The following CDK5RAP2 variants were observed in gnomAD, a reference collection of about 807,000 sequenced individuals.
The protein encoded by CDK5RAP2 is CDK5 regulatory subunit associated protein 2.
A neutral mutation model predicts 232.9 loss-of-function variants in CDK5RAP2; 147 were observed. The observed-to-expected ratio is 0.63, with a 90% confidence interval of 0.55 to 0.72. CDK5RAP2 has a LOEUF of 0.72. Ranked by LOEUF, CDK5RAP2 falls within the 30% of genes least tolerant of loss-of-function variation. The pLI is 0.00. For synonymous variants in CDK5RAP2, 833 were observed against 833.7 expected (o/e 1.00, Z 0.01); for missense variants, 2,195 against 2,231.5 (o/e 0.98, Z 0.33).
intron 18 of CDK5RAP2, chr9:120,460,869 C>T (rs2037050497): frequency 2.6e-6 from 2 of 770,278 alleles, no homozygotes; most frequent in African/African-American, 3.5e-5. Context: ...GACACAGCTG[C>T]CTGGATCAAG....
At chr9:120,441,995 A>C (rs2035927673) in intron 23 of CDK5RAP2, among the ~76,000 whole-genome samples, 1 of 152,184 alleles carries the variant, frequency 6.6e-6, no homozygotes, top group South Asian at 2.1e-4. Flanking sequence ...TTTCCAGTGA[A>C]TCACCCTCCA....
chr9:120,571,779 A>G, intron 2 of CDK5RAP2, 195 bp downstream of exon 2: 1 of 620,442 alleles, frequency 1.6e-6, no homozygotes, highest in South Asian at 1.8e-5. Context: ...CAAAAGGACA[A>G]CAATTCCTCT....
intron 2 of CDK5RAP2, among the ~76,000 whole-genome samples, chr9:120,569,306 T>C (rs896266651): frequency 3.9e-5 from 6 of 152,196 alleles, no homozygotes; most frequent in Non-Finnish European, 5.9e-5. Context: ...ATGCAGCCGA[T>C]AGTCTAGAGG....
chr9:120,536,282 G>C, intron 7 of CDK5RAP2, 90 bp downstream of exon 7: 1 of 1,402,018 alleles, frequency 7.1e-7, no homozygotes, highest in East Asian at 2.3e-5. Flanking sequence ...TGGGGAGAAG[G>C]GAGGGATAAA....
Position 120,550,798 on chromosome 9 carries a change from G to A in CDK5RAP2, c.300C>T (p.Tyr100=). 1 of 1,580,246 alleles carries A rather than the reference G, an allele frequency of 6.3e-7. No homozygotes were observed. Among genetic ancestry groups the A allele is most frequent in the African/African-American group, 1.3e-5 (1 of 74,356 alleles). ...TGAGAAATGGGCCACTCACAGTTTT[G>A]TAGATATGTTCAGTGGGGCCATGAA... The part of the protein sequence containing the change: ...QEFHGPTEHI[Y]KTNIELKVEV... The change falls in exon 4 of 38, where the codon TAC becomes TAT. Residue 100 remains tyrosine, a synonymous_variant. Transcript: ENST00000349780.
At position 120,487,262 on chromosome 9, in the gene CDK5RAP2, G is replaced by A. The variant is rs111918806; in HGVS notation, c.1626+32C>T. On this transcript the variant is annotated intron_variant, in intron 14 of 37. Transcript: ENST00000349780. The stretch of plus-strand genomic sequence containing the variant: ...TTCAAAAAAGTGTATGAATCCATTC[G>A]CATGTGAATGTCCAATTTCAGTCAA... 871 of 1,611,690 alleles carry A rather than the reference G, an allele frequency of 5.4e-4. 6 individuals are homozygous for A. In the African/African-American group the frequency reaches 8.6e-3, roughly 16 times the overall value.
intron 1 of CDK5RAP2, among the ~76,000 whole-genome samples, chr9:120,577,530 T>C (rs575872145): frequency 6.6e-6 from 1 of 152,244 alleles, no homozygotes; most frequent in South Asian, 2.1e-4. Flanking sequence ...AATACAAATA[T>C]ATTTAATACA....
At chr9:120,490,675 T>C (rs1263423238) in intron 13 of CDK5RAP2, among the ~76,000 whole-genome samples, 1 of 152,246 alleles carries the variant, frequency 6.6e-6, no homozygotes, top group Non-Finnish European at 1.5e-5. Flanking sequence ...TCTTTGTTTT[T>C]TTCTTTTTAC....
chr9:120,402,671 G>A (rs1243977136), intron 34 of CDK5RAP2, 135 bp downstream of exon 34: 1 of 968,874 alleles, frequency 1.0e-6, no homozygotes, highest in East Asian at 2.5e-5. Context: ...TGACCTCTGA[G>A]CTCTCTGAGG....
At chr9:120,542,875 C>T (rs919827586) in intron 5 of CDK5RAP2, among the ~76,000 whole-genome samples, 1 of 152,150 alleles carries the variant, frequency 6.6e-6, no homozygotes, top group African/African-American at 2.4e-5. Flanking sequence ...GAGACTGATG[C>T]GGGCTAGAGG....
intron 28 of CDK5RAP2, among the ~76,000 whole-genome samples, chr9:120,413,840 A>T (rs1337231817): frequency 7.6e-6 from 1 of 132,038 alleles, no homozygotes; most frequent in Non-Finnish European, 1.6e-5. Flanking sequence ...AGGAGGGAGG[A>T]GGGAAGGAGG....
chr9:120,562,843 A>G (rs1338691139), intron 3 of CDK5RAP2, among the ~76,000 whole-genome samples: 2 of 152,058 alleles, frequency 1.3e-5, no homozygotes, highest in East Asian at 3.9e-4. Flanking sequence ...CCTCACCACA[A>G]GCCTCAGATA....
At chr9:120,489,446 G>T (rs2038779282) in intron 13 of CDK5RAP2, among the ~76,000 whole-genome samples, 1 of 146,804 alleles carries the variant, frequency 6.8e-6, no homozygotes. Flanking sequence ...CCTCTGTTTT[G>T]CCTGTCTTTC....
intron 23 of CDK5RAP2, chr9:120,440,221 A>G (rs1050774309): frequency 7.2e-6 from 4 of 552,850 alleles, no homozygotes; most frequent in Non-Finnish European, 1.3e-5. Flanking sequence ...GACTGTTCTA[A>G]AAAGTAATTT....
chr9:120,502,980 T>G (rs2039643254), intron 12 of CDK5RAP2, among the ~76,000 whole-genome samples: 1 of 152,158 alleles, frequency 6.6e-6, no homozygotes, highest in Non-Finnish European at 1.5e-5. Flanking sequence ...ATTAGTCCTG[T>G]TTTTACAGAA....
At chr9:120,579,094 A>G (rs2043146881) in intron 1 of CDK5RAP2, among the ~76,000 whole-genome samples, 1 of 152,138 alleles carries the variant, frequency 6.6e-6, no homozygotes, top group African/African-American at 2.4e-5. Context: ...AGGCCTTCCT[A>G]CCAGACCCCA....
intron 28 of CDK5RAP2, among the ~76,000 whole-genome samples, chr9:120,414,435 T>G (rs2034080654): frequency 6.6e-6 from 1 of 152,022 alleles, no homozygotes; most frequent in Non-Finnish European, 1.5e-5. Flanking sequence ...CCATGACAAA[T>G]GGACAGAATC....
At chr9:120,487,154 C>A (rs2038654374) in intron 14 of CDK5RAP2, 140 bp downstream of exon 14, 4 of 869,470 alleles carry the variant, frequency 4.6e-6, no homozygotes, top group Admixed American at 3.5e-5. Context: ...AGGCTAAGAA[C>A]TCCTCCTCCT....
At chr9:120,395,181 C>T (rs1035349248) in intron 35 of CDK5RAP2, among the ~76,000 whole-genome samples, 3 of 152,282 alleles carry the variant, frequency 2.0e-5, no homozygotes, top group Non-Finnish European at 4.4e-5. Context: ...CAGAACAACA[C>T]GTCCTGTATA....
Sources: gnomAD v4.1 joint callset for allele counts (sites outside exome capture counted in the v4.1 genomes callset) on GRCh38, gnomAD v4.1.1 for gene constraint, MANE v1.5 for transcripts, NCBI Gene and HGNC (gene_info 2026-07-23, HGNC 2026-07-21) for gene names.